Variants in PLAA observed in about 807,000 individuals in gnomAD.
PLAA encodes the protein phospholipase A2 activating protein, also known as phospholipase A-2-activating protein.
In PLAA, 48 loss-of-function variants were observed where a neutral mutation model predicts 84.1. That is an observed-to-expected ratio of 0.57 (90% CI 0.45 to 0.73). The LOEUF (loss-of-function observed/expected upper bound fraction) is 0.73, where lower values mean the gene tolerates loss of function less well. Ranked by LOEUF, PLAA falls within the 30% of genes least tolerant of loss-of-function variation. The pLI, the probability that PLAA is intolerant of heterozygous loss-of-function variation, is 0.00. For synonymous variants in PLAA, 392 were observed against 336.6 expected, an observed-to-expected ratio of 1.16 and a Z score of -1.80; for missense variants, 903 against 954.7, an observed-to-expected ratio of 0.95 and a Z score of 0.71.
intron 2 of PLAA, among the ~76,000 whole-genome samples, chr9:26,934,310 T>C (rs189371055): frequency 6.6e-6 from 1 of 152,252 alleles, no homozygotes; most frequent in Admixed American, 6.5e-5. Context: ...TTCAAATATA[T>C]TAAATACTCC....
At chr9:26,923,046 T>A in intron 7 of PLAA, 132 bp downstream of exon 7, 1 of 632,210 alleles carries the variant, frequency 1.6e-6, no homozygotes, top group South Asian at 2.3e-5. Flanking sequence ...TGATTATATG[T>A]AATAGTAAAA....
Position 26,947,151 on chromosome 9 carries a change from G to C in PLAA, c.-106C>G. ...CGGCGGGAGAAGAGCCTGCAGGTAA[G>C]GGGCGGCCGGAGACCGGAAGAGCCC... On this transcript the variant is annotated 5_prime_UTR_variant, in exon 1 of 14. Transcript: ENST00000397292. The C allele has an allele frequency of 3.0e-6, 4 of 1,318,518 alleles. No homozygotes were observed. The highest frequency in any genetic ancestry group is 3.3e-5 in the South Asian group (2 of 61,532). 81.7% of individuals were successfully genotyped at this position (1,318,518 alleles called of 1,614,324 possible). A position where few individuals can be genotyped will look rare whatever the true frequency, so the allele number is the denominator to read the frequency against.
intron 4 of PLAA, among the ~76,000 whole-genome samples, chr9:26,927,098 T>TTCCATCA (rs1480817719): frequency 6.6e-6 from 1 of 151,062 alleles, no homozygotes; most frequent in Admixed American, 6.6e-5. Context: ...ATCATCCACT[T>TTCCATCA]TCCATCAAAA....
chr9:26,909,784 C>T lies in PLAA; in HGVS notation c.1657+554G>A, dbSNP rs555943936. ...GATTACAGGCGCCCACCACCACGCC[C>T]GGCTAATTTTTGTATTTTTAGTAGA... On this transcript the variant is annotated intron_variant, in intron 12 of 13. Coordinates refer to ENST00000397292, the MANE Select transcript of PLAA (RefSeq NM_001031689.3). 1.1e-4 allele frequency among the ~76,000 whole-genome samples: 16 copies of T among 152,010 alleles called. No individual in the cohort carries two copies. The South Asian group carries it at 2.3e-3, about 22-fold the overall frequency.
chr9:26,933,041 G>C (rs2131407784), intron 2 of PLAA, among the ~76,000 whole-genome samples: 1 of 151,996 alleles, frequency 6.6e-6, no homozygotes, highest in Middle Eastern at 3.4e-3. Flanking sequence ...AAGTCAAGTT[G>C]GGCAGATCAC....
Position 26,905,477 on chromosome 9 carries a change from A to C in PLAA, c.*34T>G. ...GTCAAATGTGAGGAAAAAAACACTA[A>C]TCAATTAAAAATATCCGTCCCTCTT... On this transcript the variant is annotated 3_prime_UTR_variant, in exon 14 of 14. Transcript: ENST00000397292. 7.0e-7 allele frequency: 1 copy of C among 1,428,280 alleles called. No homozygotes were observed. The highest frequency in any genetic ancestry group is 9.6e-7 in the Non-Finnish European group (1 of 1,040,098). The allele number at this position is 1,428,280 out of a possible 1,614,324, so 88.5% of individuals were successfully genotyped here.
chr9:26,909,623 T>A (rs1253709429), intron 12 of PLAA, among the ~76,000 whole-genome samples: 1 of 151,950 alleles, frequency 6.6e-6, no homozygotes, highest in Non-Finnish European at 1.5e-5. Context: ...ATTTCTTTTT[T>A]TTTTTTTTTC....
At chr9:26,907,613 T>C (rs1394410268) in intron 13 of PLAA, 3 of 482,308 alleles carry the variant, frequency 6.2e-6, no homozygotes, top group East Asian at 7.6e-5. Flanking sequence ...CTGGTGCATA[T>C]ATGGGGATCA....
chr9:26,935,145 C>A lies in PLAA; in HGVS notation c.211G>T (p.Val71Leu). ...ATGTCACTTGAGGGTATGATGCATACACAAGATACAAAATTGGAATGGCCA... is the reference window on the plus strand; with the variant it reads ...ATGTCACTTGAGGGTATGATGCATAAACAAGATACAAAATTGGAATGGCCA... ...MSGHSNFVSC[V>L]CIIPSSDIYP... is the part of the protein sequence containing the mutation. The change falls in exon 2 of 14, where the codon GTA becomes TTA. Residue 71 changes from valine (V) to leucine (L), a missense_variant. Val to Leu is a conservative substitution (Grantham distance 32). Coordinates refer to ENST00000397292, the MANE Select transcript of PLAA (RefSeq NM_001031689.3). The A allele has an allele frequency of 1.9e-6, 3 of 1,599,924 alleles. No individual in the cohort carries two copies. In the East Asian group the frequency reaches 6.8e-5, roughly 36 times the overall value.
intron 4 of PLAA, among the ~76,000 whole-genome samples, chr9:26,927,267 T>G (rs943740205): frequency 2.0e-5 from 3 of 151,850 alleles, no homozygotes; most frequent in Non-Finnish European, 4.4e-5. Context: ...ATTACAGGTG[T>G]GCATCACCAC....
In PLAA at chr9:26,919,534, A is replaced by T. The variant is rs1824684686; in HGVS notation, c.1198-5T>A. The T allele has an allele frequency of 2.0e-6, 3 of 1,487,328 alleles. No homozygotes were observed. Among genetic ancestry groups the T allele is most frequent in the Non-Finnish European group, 2.8e-6 (3 of 1,067,242 alleles). 92.1% of individuals were successfully genotyped at this position (1,487,328 alleles called of 1,614,324 possible). A position where few individuals can be genotyped will look rare whatever the true frequency, so the allele number is the denominator to read the frequency against. On this transcript the variant is annotated splice_polypyrimidine_tract_variant and splice_region_variant and intron_variant, in intron 8 of 13. Coordinates refer to ENST00000397292, the MANE Select transcript of PLAA (RefSeq NM_001031689.3). The stretch of plus-strand genomic sequence containing the variant: ...TGAGAAAACATAATCAAATTCCTAA[A>T]GTAGGAATATAAAAAGGAGATACAT...
In PLAA at chr9:26,933,788, CAAAAAAAAAAA is replaced by C. The variant is rs199939902; in HGVS notation, c.343+1214_343+1224del. On this transcript the variant is annotated intron_variant, in intron 2 of 13. Coordinates refer to ENST00000397292, the MANE Select transcript of PLAA (RefSeq NM_001031689.3). ...TGGGCGACAGAGCGAGACTCTGCCTCAAAAAAAAAAAAAAAAAAAAAAAAATTTTTTGTTTT... is the reference window on the plus strand; with the variant it reads ...TGGGCGACAGAGCGAGACTCTGCCTCAAAAAAAAAAAAAATTTTTTGTTTT... 4.7e-3 allele frequency among the ~76,000 whole-genome samples: 415 copies of C among 89,242 alleles called. 4 individuals are homozygous for C. The highest frequency in any genetic ancestry group is 0.017 in the African/African-American group (403 of 24,414). The allele number at this position is 89,242 out of a possible 152,430, so 58.5% of individuals were successfully genotyped here.
rs745680544 is a variant in PLAA, at chr9:26,905,835, T to C, written c.2064A>G (p.Ile688Met). 123 of 1,614,092 alleles carry C rather than the reference T, an allele frequency of 7.6e-5. No homozygotes were observed. The highest frequency in any genetic ancestry group is 1.0e-4 in the Non-Finnish European group (121 of 1,180,032). ...TCTTATTGCTCCCTGATTTCAGTTC[T>C]ATTGCATGGGACATCAGTGATTCCC... ...SQRESLMSHAIELKSGSNKNI... is the reference protein window; with the variant it reads ...SQRESLMSHAMELKSGSNKNI... The change falls in exon 14 of 14, where the codon ATA becomes ATG. Residue 688 changes from isoleucine to methionine, a missense_variant. Coordinates refer to ENST00000397292, the MANE Select transcript of PLAA (RefSeq NM_001031689.3).
intron 1 of PLAA, among the ~76,000 whole-genome samples, chr9:26,937,825 T>C (rs151246248): frequency 1.7e-4 from 25 of 147,724 alleles, no homozygotes; most frequent in Non-Finnish European, 2.2e-4. Flanking sequence ...AACTTGAACA[T>C]AGGACAGTAG....
intron 2 of PLAA, among the ~76,000 whole-genome samples, chr9:26,933,018 C>T (rs1454052671): frequency 1.3e-5 from 2 of 151,972 alleles, no homozygotes; most frequent in African/African-American, 2.4e-5. Context: ...GCCTGTAATC[C>T]CAGCACTTTG....
intron 1 of PLAA, among the ~76,000 whole-genome samples, chr9:26,942,036 C>A (rs991378617): frequency 6.6e-6 from 1 of 151,998 alleles, no homozygotes; most frequent in Non-Finnish European, 1.5e-5. Flanking sequence ...AGATGAAATA[C>A]AATGGATTCC....
At chr9:26,927,916 G>C (rs1018536383) in intron 4 of PLAA, among the ~76,000 whole-genome samples, 184 bp downstream of exon 4, 2 of 152,086 alleles carry the variant, frequency 1.3e-5, no homozygotes, top group African/African-American at 4.8e-5. Context: ...TGTTTTATGA[G>C]AGGTTTCATT....
At chr9:26,941,941 G>C (rs1029572181) in intron 1 of PLAA, among the ~76,000 whole-genome samples, 1 of 151,996 alleles carries the variant, frequency 6.6e-6, no homozygotes, top group East Asian at 1.9e-4. Context: ...TGGAACAATG[G>C]ATAGAAGTAG....
At chr9:26,930,273 T>G (rs956546483) in intron 2 of PLAA, among the ~76,000 whole-genome samples, 1 of 151,814 alleles carries the variant, frequency 6.6e-6, no homozygotes, top group African/African-American at 2.4e-5. Context: ...CCCAGCTAAT[T>G]TTTTTGTATT....
Sources: gnomAD v4.1 joint callset for allele counts (sites outside exome capture counted in the v4.1 genomes callset) on GRCh38, gnomAD v4.1.1 for gene constraint, MANE v1.5 for transcripts, NCBI Gene and HGNC (gene_info 2026-07-23, HGNC 2026-07-21) for gene names.